LPA: variants seen among roughly 807,000 people sequenced by gnomAD.
The protein encoded by LPA is apolipoprotein(a).
A neutral mutation model predicts 197.9 loss-of-function variants in LPA; 199 were observed. The observed-to-expected ratio is 1.01, with a 90% CI of 0.90 to 1.13. The LOEUF is 1.13. LPA is among the 50% of genes most tolerant of loss of function. LPA has a pLI of 0.00. For missense variants in LPA, 1,853 were observed against 1,785.8 expected, an observed-to-expected ratio of 1.04 and a Z score of -0.68; for synonymous variants, 715 against 639.5, an observed-to-expected ratio of 1.12 and a Z score of -1.78.
intron 34 of LPA, 128 bp downstream of exon 34, chr6:160,542,560 T>C: frequency 7.1e-7 from 1 of 1,416,120 alleles, no homozygotes; most frequent in Non-Finnish European, 9.6e-7. Context: ...TTCTATATTT[T>C]TTCCTCCTTC....
At chr6:160,553,339 T>A (rs1039349944) in intron 30 of LPA, among the ~76,000 whole-genome samples, 1 of 152,234 alleles carries the variant, frequency 6.6e-6, no homozygotes, top group Non-Finnish European at 1.5e-5. Context: ...CCTGAATAAC[T>A]TTCCTTAAAA....
chr6:160,582,933 T>C (rs189925776), intron 26 of LPA, among the ~76,000 whole-genome samples: 47 of 152,272 alleles, frequency 3.1e-4, no homozygotes, highest in Non-Finnish European at 2.1e-4. Flanking sequence ...TATTTTCTAG[T>C]TAGCTTTATC....
rs1172848638 is a variant in LPA at position 160,599,597 on chromosome 6, C to T, written c.3190G>A (p.Gly1064Ser). ...CYYHYGQSYR[G>S]TYSTTVTGRT... ...CCTGTGACAGTGGTGGAGTATGTGC[C>T]TCGGTAACTCTGTCCATAATGGTAG... The change falls in exon 20 of 39, where the codon GGC (glycine) becomes AGC (serine). Residue 1064 changes from glycine (G) to serine (S), a missense_variant. By Grantham distance (56) the Gly-to-Ser change is moderately conservative. Around this residue, in one of 3 missense-constraint regions of LPA, gnomAD observed 1,737 missense variants for 1,504.4 expected, o/e 1.15. Transcript: ENST00000316300. The T allele has an allele frequency of 3.1e-6, 5 of 1,614,102 alleles. No homozygotes were observed. The highest frequency in any genetic ancestry group is 2.2e-5 in the East Asian group (1 of 44,872).
intron 24 of LPA, among the ~76,000 whole-genome samples, chr6:160,588,781 C>G (rs945459708): frequency 2.0e-5 from 3 of 152,160 alleles, no homozygotes; most frequent in Non-Finnish European, 2.9e-5. Flanking sequence ...GCTTGTCCTT[C>G]AATCCAACAC....
chr6:160,660,304 C>A (rs183152309), intron 1 of LPA, among the ~76,000 whole-genome samples: 3 of 152,274 alleles, frequency 2.0e-5, no homozygotes, highest in African/African-American at 7.2e-5. Flanking sequence ...TCTTAAGGGG[C>A]ATTCTTTTCT....
chr6:160,603,423 T>C (rs896955908), intron 18 of LPA, among the ~76,000 whole-genome samples: 6 of 152,208 alleles, frequency 3.9e-5, no homozygotes, highest in African/African-American at 1.2e-4. Flanking sequence ...AATTTTTTCA[T>C]TTAAGACATA....
At chr6:160,593,864 A>T in intron 22 of LPA, 94 bp downstream of exon 22, 1 of 1,463,826 alleles carries the variant, frequency 6.8e-7, no homozygotes, top group Non-Finnish European at 9.6e-7. Context: ...GATCTGAGAT[A>T]AATTTGTCAT....
At chr6:160,579,295 G>T (rs576192410) in intron 26 of LPA, among the ~76,000 whole-genome samples, 2 of 152,082 alleles carry the variant, frequency 1.3e-5, no homozygotes, top group Non-Finnish European at 2.9e-5. Context: ...TATAAATACT[G>T]TATCTGGTAG....
At chr6:160,609,848 G>A (rs6937879) in intron 16 of LPA, among the ~76,000 whole-genome samples, 60,667 of 151,692 alleles carry the variant, frequency 0.4, 12,472 homozygotes, top group African/African-American at 0.49. Flanking sequence ...GTGTGTGTGT[G>A]GCTCATTCTG....
chr6:160,539,033 C>T (rs2114996709), intron 36 of LPA, among the ~76,000 whole-genome samples: 3 of 152,296 alleles, frequency 2.0e-5, no homozygotes, highest in Middle Eastern at 6.8e-3. Flanking sequence ...CCCTTCTCTC[C>T]TTCCTAGAGT....
chr6:160,591,052 A>G lies in LPA; in HGVS notation c.3679T>C (p.Trp1227Arg). The stretch of plus-strand genomic sequence containing the variant: ...ACATTGGGATCCATGGTATAACACC[A>G]AGGACTAATCTCAGCATCTGGATTC... The part of the protein sequence containing the change: ...CRNPDAEISP[W>R]CYTMDPNVRW... Residue 1227 changes from tryptophan (W) to arginine (R), a missense_variant, in exon 23 of 39, where the codon TGG (tryptophan) becomes CGG (arginine). Trp to Arg is a moderately radical substitution (Grantham distance 101). Transcript: ENST00000316300. The G allele has an allele frequency of 6.2e-7, 1 of 1,613,944 alleles. No individual in the cohort carries two copies.
intron 23 of LPA, 113 bp from the exon 24 acceptor site, chr6:160,589,825 T>G: frequency 8.2e-7 from 1 of 1,221,854 alleles, no homozygotes; most frequent in East Asian, 2.4e-5. Flanking sequence ...GACCATGCTC[T>G]GTTCTACATT....
intron 28 of LPA, among the ~76,000 whole-genome samples, chr6:160,559,330 C>T (rs1367946518): frequency 2.6e-5 from 4 of 152,190 alleles, no homozygotes; most frequent in African/African-American, 9.7e-5. Context: ...TATTTTTGAG[C>T]TCCATCCATG....
At position 160,555,436 on chromosome 6, in the gene LPA, C is replaced by CATATAT. The variant is rs770158265; in HGVS notation, c.4973+583_4973+588dup. ...AAAAACCTTGCATGTTTCCCTAGAA[C>CATATAT]ATATATATATATATATATATGTGTG... On this transcript the variant is annotated intron_variant, in intron 30 of 38. Coordinates refer to ENST00000316300, the MANE Select transcript of LPA (RefSeq NM_005577.4). 8.9e-3 allele frequency among the ~76,000 whole-genome samples: 1,084 copies of CATATAT among 121,962 alleles called. 15 individuals carry two copies. Among genetic ancestry groups the CATATAT allele is most frequent in the Non-Finnish European group, 0.012 (704 of 59,628 alleles). 80.0% of individuals were successfully genotyped at this position (121,962 alleles called of 152,430 possible). A position where few individuals can be genotyped will look rare whatever the true frequency, so the allele number is the denominator to read the frequency against.
chr6:160,574,169 G>A (rs2115027332), intron 28 of LPA, among the ~76,000 whole-genome samples: 1 of 152,148 alleles, frequency 6.6e-6, no homozygotes, highest in South Asian at 2.1e-4. Flanking sequence ...GAGTTGTCGG[G>A]GAAGTGGAGG....
Position 160,595,441 on chromosome 6 carries a change from G to T in LPA, c.3382C>A (p.Leu1128Met). Residue 1128 changes from leucine to methionine, a missense_variant, in exon 21 of 39, where the codon CTG becomes ATG. Physicochemically the swap from Leu to Met is conservative, Grantham distance 15. Around this residue, in one of 3 missense-constraint regions of LPA, gnomAD observed 1,737 missense variants for 1,504.4 expected, o/e 1.15. Coordinates refer to ENST00000316300, the MANE Select transcript of LPA (RefSeq NM_005577.4). ...DPSVRWEYCN[L>M]TQCLVTESSV... ...GATTCTGTCACCAGGCATTGTGTCA[G>T]GTTGCAGTACTCCCACCTGACACTG... 6.2e-7 allele frequency: 1 copy of T among 1,613,904 alleles called. No homozygotes were observed.
intron 37 of LPA, among the ~76,000 whole-genome samples, chr6:160,535,027 G>A (rs559978340): frequency 1.3e-5 from 2 of 151,710 alleles, no homozygotes; most frequent in African/African-American, 4.8e-5. Context: ...TAATGGTGAT[G>A]GTGGTGGAGT....
At chr6:160,557,961 C>T (rs1778294761) in intron 28 of LPA, among the ~76,000 whole-genome samples, 1 of 151,608 alleles carries the variant, frequency 6.6e-6, no homozygotes, top group East Asian at 1.9e-4. Flanking sequence ...GCTCTGTCGC[C>T]CAGACTGGAG....
At position 160,556,066 on chromosome 6, in the gene LPA, T is replaced by C. The variant is rs771406249; in HGVS notation, c.4932A>G (p.Thr1644=). 16 of 1,613,218 alleles carry C rather than the reference T, an allele frequency of 9.9e-6. No homozygotes were observed. The highest frequency in any genetic ancestry group is 1.7e-4 in the Middle Eastern group (1 of 6,058). ...GRTCQSWSSM[T]PHRHQRTPEN... ...CTGGGGTCCTCTGATGCCGGTGTGG[T>C]GTCATGGATGACCAAGATTGACATG... Residue 1644 remains threonine (T), a synonymous_variant, in exon 30 of 39, where the codon ACA becomes ACG. Transcript: ENST00000316300.
Sources: allele counts gnomAD v4.1 joint callset (sites outside exome capture counted in the v4.1 genomes callset), GRCh38; gene constraint gnomAD v4.1.1; regional missense constraint gnomAD v4.1.1; transcripts MANE v1.5; gene names NCBI Gene and HGNC (gene_info 2026-07-23, HGNC 2026-07-21).